Variants in ZDHHC14 observed in about 807,000 individuals in gnomAD.
ZDHHC14 encodes the protein palmitoyltransferase ZDHHC14.
ZDHHC14 carries 16 observed loss-of-function variants against 47.7 expected under a neutral mutation model. That is an observed-to-expected ratio of 0.34 (90% CI 0.23 to 0.51). The LOEUF is 0.51. ZDHHC14 is among the 20% of genes least tolerant of loss of function. ZDHHC14 has a pLI of 0.97. For missense variants in ZDHHC14, 515 were observed against 662.5 expected, an observed-to-expected ratio of 0.78 and a Z score of 2.44; for synonymous variants, 293 against 278.9, an observed-to-expected ratio of 1.05 and a Z score of -0.50.
rs189952093 is a variant in ZDHHC14, at chr6:157,396,235, A to G, written c.245+13969A>G. Reference sequence around the variant, plus strand: ...ACCGAGGCCTTTCCAGAAATAGCCTATGGTGGCCTCATGGTCTGCAGAGAC... The same window carrying G: ...ACCGAGGCCTTTCCAGAAATAGCCTGTGGTGGCCTCATGGTCTGCAGAGAC... On this transcript the variant is annotated intron_variant, in intron 1 of 8. Transcript: ENST00000359775. Among the ~76,000 whole-genome samples the G allele has an allele frequency of 1.2e-4, 19 of 152,200 alleles. No homozygotes were observed. In the East Asian group the frequency reaches 3.1e-3, roughly 25 times the overall value.
chr6:157,642,807 C>A (rs1178213269), intron 5 of ZDHHC14, among the ~76,000 whole-genome samples: 3 of 152,152 alleles, frequency 2.0e-5, no homozygotes, highest in Admixed American at 6.5e-5. Flanking sequence ...AGCATATAGC[C>A]AGTGGGCCAG....
At chr6:157,635,968 G>C (rs569020583) in intron 5 of ZDHHC14, among the ~76,000 whole-genome samples, 30 of 152,170 alleles carry the variant, frequency 2.0e-4, no homozygotes, top group African/African-American at 6.7e-4. Flanking sequence ...TCCTCATCTG[G>C]GTGCTGACTC....
chr6:157,534,325 C>G (rs1248872212), intron 1 of ZDHHC14, among the ~76,000 whole-genome samples: 1 of 152,186 alleles, frequency 6.6e-6, no homozygotes, highest in African/African-American at 2.4e-5. Flanking sequence ...AATGGAGTTA[C>G]TTTGGCCAAT....
At chr6:157,592,837 C>A (rs1783967611) in intron 2 of ZDHHC14, 151 bp from the exon 3 acceptor site, 1 of 1,457,066 alleles carries the variant, frequency 6.9e-7, no homozygotes, top group Non-Finnish European at 9.0e-7. Flanking sequence ...AGGGTGAGTC[C>A]CAGAGCCCCA....
chr6:157,425,523 T>C lies in ZDHHC14; in HGVS notation c.245+43257T>C, dbSNP rs192136907. Among the ~76,000 whole-genome samples the C allele has an allele frequency of 2.0e-5, 3 of 152,350 alleles. No homozygotes were observed. In the East Asian group the frequency reaches 5.8e-4, roughly 29 times the overall value. On this transcript the variant is annotated intron_variant, in intron 1 of 8. Transcript: ENST00000359775. The stretch of plus-strand genomic sequence containing the variant: ...GCGGACATTGTGTCTTGCTTTTCAA[T>C]AGTGAAATGCGACTAGTGTTCCCTT...
intron 1 of ZDHHC14, among the ~76,000 whole-genome samples, chr6:157,443,485 T>G (rs931737765): frequency 3.3e-5 from 5 of 152,212 alleles, no homozygotes; most frequent in African/African-American, 1.2e-4. Context: ...AGCATTCTTT[T>G]AAGGGAAAGC....
At chr6:157,654,697 C>T (rs2566326) in intron 8 of ZDHHC14, among the ~76,000 whole-genome samples, 92,936 of 151,400 alleles carry the variant, frequency 0.61, 29,185 homozygotes, top group African/African-American at 0.73. Flanking sequence ...GTGTCTTGTT[C>T]GTATTGCTTT....
chr6:157,669,830 AGGCCC>A (rs1421690629), intron 8 of ZDHHC14, among the ~76,000 whole-genome samples: 2 of 152,206 alleles, frequency 1.3e-5, no homozygotes, highest in Non-Finnish European at 2.9e-5. Context: ...GCTCATTCCC[AGGCCC>A]GGCCTGCTGG....
intron 7 of ZDHHC14, among the ~76,000 whole-genome samples, chr6:157,650,269 T>G (rs681502): frequency 0.51 from 76,955 of 151,700 alleles, 19,994 homozygotes; most frequent in Admixed American, 0.57. Context: ...GGAGCAGGGT[T>G]TTGAAAGACA....
intron 1 of ZDHHC14, among the ~76,000 whole-genome samples, chr6:157,430,632 G>A (rs1214702891): frequency 1.3e-5 from 2 of 152,188 alleles, no homozygotes; most frequent in African/African-American, 4.8e-5. Context: ...ATAATGGAGG[G>A]TAATCTCCCT....
At chr6:157,605,379 T>G (rs1407260579) in intron 3 of ZDHHC14, among the ~76,000 whole-genome samples, 1 of 152,186 alleles carries the variant, frequency 6.6e-6, no homozygotes, top group African/African-American at 2.4e-5. Context: ...ATTAAATAAG[T>G]GAAATGAATA....
chr6:157,434,154 T>G, intron 1 of ZDHHC14, among the ~76,000 whole-genome samples: 1 of 151,862 alleles, frequency 6.6e-6, no homozygotes, highest in East Asian at 1.9e-4. Flanking sequence ...AAAAACGGTA[T>G]TAGTATTAGA....
intron 2 of ZDHHC14, among the ~76,000 whole-genome samples, chr6:157,559,319 A>T (rs1242767098): frequency 6.6e-6 from 1 of 152,210 alleles, no homozygotes; most frequent in African/African-American, 2.4e-5. Context: ...TGGGCAGCTG[A>T]TGTGGCAACA....
In ZDHHC14 at chr6:157,382,089, C is replaced by T. The variant is rs753552270; in HGVS notation, c.68C>T (p.Ser23Phe). 5 of 1,610,472 alleles carry T rather than the reference C, an allele frequency of 3.1e-6. No individual in the cohort carries two copies. The highest frequency in any genetic ancestry group is 4.2e-6 in the Non-Finnish European group (5 of 1,178,502). ...EYSQISTHSS[S>F]PMESPHKKKK... is the part of the protein sequence containing the mutation. The stretch of plus-strand genomic sequence containing the variant: ...AGCCAGATCAGCACCCACAGCTCCT[C>T]CCCCATGGAGTCGCCCCACAAGAAG... Residue 23 changes from serine to phenylalanine, a missense_variant, in exon 1 of 9, where the codon TCC (serine) becomes TTC (phenylalanine). Ser to Phe is a radical substitution (Grantham distance 155). Transcript: ENST00000359775.
intron 1 of ZDHHC14, among the ~76,000 whole-genome samples, chr6:157,536,012 C>T (rs983763051): frequency 6.6e-6 from 1 of 151,390 alleles, no homozygotes; most frequent in South Asian, 2.1e-4. Context: ...TTAAAACCTC[C>T]ATTTCTCACA....
At chr6:157,476,271 A>T (rs1240286697) in intron 1 of ZDHHC14, among the ~76,000 whole-genome samples, 2 of 152,176 alleles carry the variant, frequency 1.3e-5, no homozygotes, top group Admixed American at 1.3e-4. Context: ...AATACAAAGG[A>T]TCATAAGGGA....
intron 2 of ZDHHC14, among the ~76,000 whole-genome samples, chr6:157,567,736 G>T (rs1313373751): frequency 6.6e-6 from 1 of 150,542 alleles, no homozygotes; most frequent in African/African-American, 2.5e-5. Flanking sequence ...AGAATCAGTT[G>T]AACCTGGGAG....
chr6:157,453,871 G>A (rs1486194561), intron 1 of ZDHHC14, among the ~76,000 whole-genome samples: 6 of 151,536 alleles, frequency 4.0e-5, no homozygotes, highest in African/African-American at 9.7e-5. Flanking sequence ...TCTGGTGGCC[G>A]ATACCTTCTT....
At position 157,543,554 on chromosome 6, in the gene ZDHHC14, T is replaced by G. The variant is rs143476009; in HGVS notation, c.406+809T>G. ...AGGATTCCTCCTATTCTATGGACTTTCCTTTGCAGCCTTCACTAAAGCTGG... is the reference window on the plus strand; with the variant it reads ...AGGATTCCTCCTATTCTATGGACTTGCCTTTGCAGCCTTCACTAAAGCTGG... On this transcript the variant is annotated intron_variant, in intron 2 of 8. Coordinates refer to ENST00000359775, the MANE Select transcript of ZDHHC14 (RefSeq NM_024630.3). Among the ~76,000 whole-genome samples, 85 of 152,354 alleles carry G rather than the reference T, an allele frequency of 5.6e-4. No individual in the cohort carries two copies. The East Asian group carries it at 0.014, about 25-fold the overall frequency.
Sources: gnomAD v4.1 joint callset for allele counts (sites outside exome capture counted in the v4.1 genomes callset) on GRCh38, gnomAD v4.1.1 for gene constraint, MANE v1.5 for transcripts, NCBI Gene and HGNC (gene_info 2026-07-23, HGNC 2026-07-21) for gene names.